The following AFP variants were observed in gnomAD, a reference collection of about 807,000 sequenced individuals.
AFP encodes alpha fetoprotein.
AFP carries 64 observed loss-of-function variants against 78.9 expected under a neutral mutation model. That is an observed-to-expected ratio of 0.81 (90% CI 0.66 to 1.00). The LOEUF (loss-of-function observed/expected upper bound fraction) is 1.00. Ranked by LOEUF, AFP falls within the 50% of genes least tolerant of loss-of-function variation. AFP has a pLI of 0.00. For missense variants in AFP, 689 were observed against 703.8 expected, an observed-to-expected ratio of 0.98 and a Z score of 0.24; for synonymous variants, 254 against 243.8, an observed-to-expected ratio of 1.04 and a Z score of -0.39.
At chr4:73,440,536 A>C in intron 3 of AFP, 66 bp from the exon 4 acceptor site, 3 of 1,266,580 alleles carry the variant, frequency 2.4e-6, no homozygotes, top group South Asian at 2.5e-5. Flanking sequence ...AAAATGTTTC[A>C]TGTGTCTTAT....
rs1285826669 is a variant in AFP, at chr4:73,447,371, C to T, written c.844-91C>T. 4.4e-6 allele frequency: 4 copies of T among 910,116 alleles called. No individual in the cohort carries two copies. The African/African-American group carries it at 5.1e-5, about 12-fold the overall frequency. 56.4% of individuals were successfully genotyped at this position (910,116 alleles called of 1,614,324 possible). On this transcript the variant is annotated intron_variant, in intron 7 of 14. Transcript: ENST00000395792. ...TCTTTCTTTGTTCCCTTCTCCCTCC[C>T]TCCCCTTTCTTCCTTTTTCTAAAGC... is the stretch of plus-strand genomic sequence containing the variant.
At chr4:73,445,170 T>G (rs1719783277) in intron 7 of AFP, 48 bp downstream of exon 7, 1 of 1,608,140 alleles carries the variant, frequency 6.2e-7, no homozygotes, top group Admixed American at 1.7e-5. Context: ...TCCCTTTTCT[T>G]TCTTTTTGTC....
intron 2 of AFP, 148 bp from the exon 3 acceptor site, chr4:73,438,026 G>A: frequency 1.7e-6 from 2 of 1,156,330 alleles, no homozygotes; most frequent in East Asian, 2.5e-5. Context: ...TGACCTGGAA[G>A]CTAATTTTAC....
Position 73,452,621 on chromosome 4 carries a change from A to G in AFP, c.1649A>G (p.Gln550Arg), listed in dbSNP as rs1560398235. 6.2e-7 allele frequency: 1 copy of G among 1,606,896 alleles called. No homozygotes were observed. Among genetic ancestry groups the G allele is most frequent in the Non-Finnish European group, 8.5e-7 (1 of 1,173,810 alleles). ...GGTGTAGCGCTGCAAACAATGAAGC[A>G]AGAGTAAGAAACTGTTACTTGCTAG... is the stretch of plus-strand genomic sequence containing the variant. The part of the protein sequence containing the change: ...AQGVALQTMK[Q>R]EFLINLVKQK... Residue 550 changes from glutamine (Q) to arginine (R), a missense_variant, in exon 12 of 15, where the codon CAA (glutamine) becomes CGA (arginine). Physicochemically the swap from Gln to Arg is conservative, Grantham distance 43. Transcript: ENST00000395792.
intron 7 of AFP, among the ~76,000 whole-genome samples, chr4:73,446,297 A>G (rs1487313297): frequency 6.6e-6 from 1 of 152,122 alleles, no homozygotes; most frequent in African/African-American, 2.4e-5. Flanking sequence ...TGAACGGACA[A>G]TTTTACTGTT....
intron 7 of AFP, among the ~76,000 whole-genome samples, chr4:73,446,040 A>C (rs1719814166): frequency 6.6e-6 from 1 of 152,182 alleles, no homozygotes; most frequent in South Asian, 2.1e-4. Flanking sequence ...AGAAGGCTGA[A>C]AGTGAAGATA....
intron 5 of AFP, among the ~76,000 whole-genome samples, chr4:73,442,702 G>T (rs1442735401): frequency 6.6e-6 from 1 of 152,124 alleles, no homozygotes; most frequent in Non-Finnish European, 1.5e-5. Context: ...GAAAGAGAGG[G>T]TGCTATAAAT....
chr4:73,452,316 T>G, intron 11 of AFP, 85 bp from the exon 12 acceptor site: 2 of 1,064,360 alleles, frequency 1.9e-6, no homozygotes, highest in Non-Finnish European at 2.9e-6. Context: ...CATTAGAAAT[T>G]ATTGCAGCAG....
intron 2 of AFP, 63 bp downstream of exon 2, chr4:73,437,274 T>A: frequency 7.3e-7 from 1 of 1,367,392 alleles, no homozygotes; most frequent in Admixed American, 1.7e-5. Flanking sequence ...AATACTTAAA[T>A]AAAATTGGGT....
intron 8 of AFP, among the ~76,000 whole-genome samples, chr4:73,448,100 T>A (rs1414367765): frequency 6.6e-6 from 1 of 152,188 alleles, no homozygotes; most frequent in African/African-American, 2.4e-5. Flanking sequence ...CTCCAAAAGA[T>A]AACACAAGAG....
rs1719637947 is a variant in AFP, at chr4:73,440,787, A to G, written c.456A>G (p.Glu152=). 6.2e-7 allele frequency: 1 copy of G among 1,614,128 alleles called. No individual in the cohort carries two copies. The highest frequency in any genetic ancestry group is 1.1e-5 in the South Asian group (1 of 91,062). Reference sequence around the variant, plus strand: ...CTGTCACAAGCTGTGAAGCATATGAAGAAGACAGGGAGACATTCATGAACA... The same window carrying G: ...CTGTCACAAGCTGTGAAGCATATGAGGAAGACAGGGAGACATTCATGAACA... ...PEPVTSCEAY[E]EDRETFMNKF... is the part of the protein sequence containing the mutation. Residue 152 remains glutamate, a synonymous_variant, in exon 4 of 15, where the codon GAA becomes GAG. Coordinates refer to ENST00000395792, the MANE Select transcript of AFP (RefSeq NM_001134.3).
intron 12 of AFP, among the ~76,000 whole-genome samples, chr4:73,452,865 T>A (rs1720044775): frequency 6.6e-6 from 1 of 152,228 alleles, no homozygotes; most frequent in Non-Finnish European, 1.5e-5. Flanking sequence ...CTGTTGTAAC[T>A]GTTATTGTGA....
chr4:73,447,676 G>T lies in AFP; in HGVS notation c.1058G>T (p.Ser353Ile). 2.5e-6 allele frequency: 4 copies of T among 1,604,078 alleles called. No homozygotes were observed. Among genetic ancestry groups the T allele is most frequent in the South Asian group, 1.1e-5 (1 of 90,640 alleles). Residue 353 changes from serine to isoleucine, a missense_variant and splice_region_variant, in exon 8 of 15, where the codon AGT (serine) becomes ATT (isoleucine). Ser to Ile is a moderately radical substitution (Grantham distance 142). Transcript: ENST00000395792. ...GGGGAAAAAAATATCTTCTTGGCAA[G>T]GTAACACACTCTGTAAATGCATGTT... ...SSGEKNIFLA[S>I]FVHEYSRRHP...
Position 73,445,247 on chromosome 4 carries a change from T to G in AFP, c.843+125T>G. On this transcript the variant is annotated intron_variant, in intron 7 of 14. Coordinates refer to ENST00000395792, the MANE Select transcript of AFP (RefSeq NM_001134.3). Reference sequence around the variant, plus strand: ...CAGAGTATGTAAACTAGGTGACTCCTTAAATTTGCAGAATTCTCGGTAGTA... The same window carrying G: ...CAGAGTATGTAAACTAGGTGACTCCGTAAATTTGCAGAATTCTCGGTAGTA... The G allele has an allele frequency of 3.4e-6, 4 of 1,175,544 alleles. No individual in the cohort carries two copies. The Middle Eastern group carries it at 6.5e-4, about 192-fold the overall frequency. The allele number at this position is 1,175,544 out of a possible 1,614,324, so 72.8% of individuals were successfully genotyped here.
At chr4:73,450,214 G>A (rs972410853) in intron 10 of AFP, 81 bp downstream of exon 10, 3 of 1,181,736 alleles carry the variant, frequency 2.5e-6, no homozygotes, top group East Asian at 2.6e-5. Context: ...TCCTTTGGAA[G>A]CAACAAGAAT....
At chr4:73,438,090 A>T in intron 2 of AFP, 84 bp from the exon 3 acceptor site, 2 of 1,568,502 alleles carry the variant, frequency 1.3e-6, no homozygotes, top group Non-Finnish European at 1.7e-6. Context: ...AGAAAACAAA[A>T]CAAACAAATG....
chr4:73,449,563 G>A lies in AFP; in HGVS notation c.1191+96G>A, dbSNP rs540821622. Reference sequence around the variant, plus strand: ...TTTGAAAGCCTCTAGTTTTCAACTAGTTGTTAGCCAGTTATATCTATTTGT... The same window carrying A: ...TTTGAAAGCCTCTAGTTTTCAACTAATTGTTAGCCAGTTATATCTATTTGT... On this transcript the variant is annotated intron_variant, in intron 9 of 14. Transcript: ENST00000395792. 27 of 1,408,576 alleles carry A rather than the reference G, an allele frequency of 1.9e-5. No individual in the cohort carries two copies. The East Asian group carries it at 5.3e-4, about 27-fold the overall frequency. The allele number at this position is 1,408,576 out of a possible 1,614,324, so 87.3% of individuals were successfully genotyped here. A position where few individuals can be genotyped will look rare whatever the true frequency, so the allele number is the denominator to read the frequency against.
intron 3 of AFP, 30 bp downstream of exon 3, chr4:73,438,336 G>T: frequency 6.3e-7 from 1 of 1,591,486 alleles, no homozygotes; most frequent in Non-Finnish European, 8.6e-7. Context: ...AAAGCATTGT[G>T]ATATTTGACA....
At chr4:73,437,832 T>G (rs1312188238) in intron 2 of AFP, among the ~76,000 whole-genome samples, 1 of 152,016 alleles carries the variant, frequency 6.6e-6, no homozygotes, top group East Asian at 1.9e-4. Flanking sequence ...AATTTTTTTT[T>G]GCTTAAATTT....
Sources: allele counts gnomAD v4.1 joint callset (sites outside exome capture counted in the v4.1 genomes callset), GRCh38; gene constraint gnomAD v4.1.1; transcripts MANE v1.5; gene names NCBI Gene and HGNC (gene_info 2026-07-23, HGNC 2026-07-21).